Variants in TMSB15B observed in about 807,000 individuals in gnomAD.
TMSB15B encodes the protein thymosin beta 15B.
chrX:103,936,983 G>A (rs537791453), intron 1 of TMSB15B, among the ~76,000 whole-genome samples: 38 of 112,150 alleles, frequency 3.4e-4, no homozygotes, highest in African/African-American at 9.7e-4. Flanking sequence ...ATTGATTTGC[G>A]TGTGTTGAAC....
chrX:103,926,634 C>A (rs1419879635), intron 1 of TMSB15B, among the ~76,000 whole-genome samples: 23 of 110,468 alleles, frequency 2.1e-4, no homozygotes, highest in Admixed American at 1.8e-3. Context: ...GATTCTGGGC[C>A]TGGCAGCCCC....
At chrX:103,952,922 C>A in intron 1 of TMSB15B, among the ~76,000 whole-genome samples, 1 of 111,964 alleles carries the variant, frequency 8.9e-6, no homozygotes. Context: ...AAAAACAGGC[C>A]AGAGGGCCAA....
At chrX:103,934,348 T>A (rs1459503297) in intron 1 of TMSB15B, among the ~76,000 whole-genome samples, 5 of 111,450 alleles carry the variant, frequency 4.5e-5, no homozygotes, top group African/African-American at 6.5e-5. Context: ...GTTTTTTTTT[T>A]TTATTATTGT....
At chrX:103,925,323 G>T (rs1474285878) in intron 1 of TMSB15B, among the ~76,000 whole-genome samples, 1 of 112,110 alleles carries the variant, frequency 8.9e-6, no homozygotes, top group African/African-American at 3.2e-5. Flanking sequence ...CATCTTAATA[G>T]AAAATACTTT....
In TMSB15B at chrX:103,924,499, T is replaced by C. The variant is rs782420412; in HGVS notation, c.-721+5207T>C. ...GTCTTTTTGCTTCCACCTTCATTAGTGTACCCTTTATTTTGTCTTTCTGTA... is the reference window on the plus strand; with the variant it reads ...GTCTTTTTGCTTCCACCTTCATTAGCGTACCCTTTATTTTGTCTTTCTGTA... On this transcript the variant is annotated intron_variant, in intron 1 of 3. Transcript: ENST00000419165. 5.4e-5 allele frequency among the ~76,000 whole-genome samples: 6 copies of C among 111,887 alleles called. No homozygotes were observed. In the East Asian group the frequency reaches 1.7e-3, roughly 31 times the overall value.
At chrX:103,952,498 G>A (rs1311312408) in intron 1 of TMSB15B, among the ~76,000 whole-genome samples, 1 of 110,906 alleles carries the variant, frequency 9.0e-6, no homozygotes, top group African/African-American at 3.3e-5. Context: ...GGCTTCAGGG[G>A]ATCCAGAGTC....
intron 1 of TMSB15B, among the ~76,000 whole-genome samples, chrX:103,948,855 T>G (rs2075032085): frequency 8.9e-6 from 1 of 112,192 alleles, no homozygotes; most frequent in Admixed American, 9.5e-5. Context: ...CATTTCCATG[T>G]GGGAAGACTG....
At chrX:103,921,428 G>A (rs1372908073) in intron 1 of TMSB15B, among the ~76,000 whole-genome samples, 2 of 112,172 alleles carry the variant, frequency 1.8e-5, no homozygotes, top group Non-Finnish European at 3.8e-5. Flanking sequence ...GGACTTGGTA[G>A]GGATGGAATC....
intron 1 of TMSB15B, chrX:103,931,485 AT>A (rs1355164896): frequency 9.0e-6 from 1 of 111,544 alleles, no homozygotes; most frequent in Non-Finnish European, 1.9e-5. Context: ...CACACAGGAT[AT>A]TTTTTCCCTG....
chrX:103,944,928 C>T (rs1459535614), intron 1 of TMSB15B, among the ~76,000 whole-genome samples: 11 of 111,616 alleles, frequency 9.9e-5, no homozygotes, highest in Non-Finnish European at 1.5e-4. Context: ...CAGGCATGCA[C>T]CACCATGCCC....
At chrX:103,928,069 C>T in intron 1 of TMSB15B, 2 of 951,805 alleles carry the variant, frequency 2.1e-6, no homozygotes, top group Non-Finnish European at 1.4e-6. Flanking sequence ...TTGCCAGTTT[C>T]TTCCACCTGC....
chrX:103,921,376 G>A (rs1556317775), intron 1 of TMSB15B, among the ~76,000 whole-genome samples: 2 of 112,293 alleles, frequency 1.8e-5, no homozygotes, highest in African/African-American at 6.5e-5. Flanking sequence ...CTCTTGTTCA[G>A]TGTTTAAATT....
At chrX:103,949,863 G>T in intron 1 of TMSB15B, among the ~76,000 whole-genome samples, 2 of 111,615 alleles carry the variant, frequency 1.8e-5, no homozygotes, top group Non-Finnish European at 1.9e-5. Context: ...CAGGGATGGA[G>T]CCCTGGGGCA....
At chrX:103,919,761 G>A (rs1156321301) in intron 1 of TMSB15B, among the ~76,000 whole-genome samples, 2 of 112,690 alleles carry the variant, frequency 1.8e-5, no homozygotes, top group African/African-American at 6.5e-5. Flanking sequence ...TTTCACAGAT[G>A]AAGAAACTGA....
chrX:103,936,074 C>A (rs1470592432), intron 1 of TMSB15B, among the ~76,000 whole-genome samples: 1 of 110,178 alleles, frequency 9.1e-6, no homozygotes, highest in African/African-American at 3.3e-5. Context: ...TCGAACTCCC[C>A]ACCTCAGGTA....
At chrX:103,925,574 G>T (rs1426313070) in intron 1 of TMSB15B, among the ~76,000 whole-genome samples, 2 of 111,985 alleles carry the variant, frequency 1.8e-5, no homozygotes, top group Non-Finnish European at 3.8e-5. Context: ...AAATTATTTT[G>T]CCCTTTCTGC....
chrX:103,945,738 G>A (rs1291679919), intron 1 of TMSB15B, among the ~76,000 whole-genome samples: 1 of 112,074 alleles, frequency 8.9e-6, no homozygotes, highest in Non-Finnish European at 1.9e-5. Context: ...GCTCTCAAGA[G>A]AAGCCAACAT....
intron 1 of TMSB15B, among the ~76,000 whole-genome samples, chrX:103,937,738 C>G (rs782106729): frequency 8.4e-4 from 94 of 111,556 alleles, no homozygotes; most frequent in African/African-American, 2.9e-3. Flanking sequence ...TCTTGCTTCT[C>G]TAGTTCTTTT....
intron 1 of TMSB15B, among the ~76,000 whole-genome samples, chrX:103,919,989 G>A (rs1473090480): frequency 2.7e-5 from 3 of 111,817 alleles, no homozygotes; most frequent in Non-Finnish European, 5.6e-5. Flanking sequence ...GTAGGGAGAG[G>A]GCTGAGGGAA....
Sources: allele counts gnomAD v4.1 joint callset (sites outside exome capture counted in the v4.1 genomes callset), GRCh38; gene constraint gnomAD v4.1.1; transcripts MANE v1.5; gene names NCBI Gene and HGNC (gene_info 2026-07-23, HGNC 2026-07-21).